STK10: variants seen among roughly 807,000 people sequenced by gnomAD.
STK10 encodes the protein serine/threonine kinase 10.
Under a neutral mutation model 113.8 loss-of-function variants are expected in STK10, and 78 were observed. The ratio of observed to expected loss-of-function variants is 0.69; its 90% CI spans 0.57 to 0.83. STK10 has a LOEUF of 0.83. Ranked by LOEUF, STK10 falls within the 40% of genes least tolerant of loss-of-function variation. The pLI, the probability that STK10 is intolerant of heterozygous loss-of-function variation, is 0.00. For missense variants in STK10, 1,109 were observed against 1,280.1 expected, an observed-to-expected ratio of 0.87 and a Z score of 2.04; for synonymous variants, 465 against 494.7, an observed-to-expected ratio of 0.94 and a Z score of 0.80.
At chr5:172,157,644 G>A (rs1416779876) in intron 1 of STK10, among the ~76,000 whole-genome samples, 3 of 152,114 alleles carry the variant, frequency 2.0e-5, no homozygotes, top group African/African-American at 4.8e-5. Flanking sequence ...AGGCTGAAGT[G>A]CAGTGGTGTG....
chr5:172,122,531 T>C (rs991059094), intron 3 of STK10, among the ~76,000 whole-genome samples: 1 of 152,226 alleles, frequency 6.6e-6, no homozygotes, highest in East Asian at 1.9e-4. Flanking sequence ...TTAAAAAAAC[T>C]ACAACATTGC....
At chr5:172,106,121 A>G (rs959130456) in intron 6 of STK10, among the ~76,000 whole-genome samples, 8 of 151,936 alleles carry the variant, frequency 5.3e-5, no homozygotes, top group African/African-American at 1.9e-4. Flanking sequence ...TCTCATGTCA[A>G]GTGCACAGAG....
rs1770122385 is a variant in STK10, at chr5:172,148,103, T to C, written c.321+8521A>G. Among the ~76,000 whole-genome samples, 3 of 152,130 alleles carry C rather than the reference T, an allele frequency of 2.0e-5. No homozygotes were observed. In the South Asian group the frequency reaches 6.2e-4, roughly 31 times the overall value. ...GAGCAGGTCTGGGACCCTCCTACAC[T>C]GCTACTGTCTGCCAGCTGGGTTTCC... On this transcript the variant is annotated intron_variant, in intron 2 of 18. Transcript: ENST00000176763.
intron 10 of STK10, among the ~76,000 whole-genome samples, chr5:172,089,070 A>G (rs1190121733): frequency 6.6e-6 from 1 of 152,064 alleles, no homozygotes; most frequent in Non-Finnish European, 1.5e-5. Context: ...ATCCTAGTCA[A>G]GATCTCCCTC....
intron 7 of STK10, among the ~76,000 whole-genome samples, chr5:172,103,671 G>A (rs79506905): frequency 0.1 from 15,216 of 152,090 alleles, 879 homozygotes; most frequent in Non-Finnish European, 0.12. Flanking sequence ...TTTCAAATAC[G>A]TTATAGAAAT....
chr5:172,160,616 GATA>G (rs921137910), intron 1 of STK10, among the ~76,000 whole-genome samples: 1 of 152,172 alleles, frequency 6.6e-6, no homozygotes, highest in African/African-American at 2.4e-5. Flanking sequence ...CCTTCCTAAG[GATA>G]ATATTGATCA....
At chr5:172,085,309 C>T (rs1312341760) in intron 10 of STK10, among the ~76,000 whole-genome samples, 1 of 151,922 alleles carries the variant, frequency 6.6e-6, no homozygotes, top group African/African-American at 2.4e-5. Flanking sequence ...TTTATGTTGT[C>T]AGTGTATGTG....
chr5:172,131,871 G>A (rs1249734049), intron 2 of STK10, among the ~76,000 whole-genome samples: 1 of 152,174 alleles, frequency 6.6e-6, no homozygotes, highest in Non-Finnish European at 1.5e-5. Context: ...CAACAGTAAT[G>A]GGAGGTGTTT....
chr5:172,063,896 C>A (rs1167682040), intron 13 of STK10, among the ~76,000 whole-genome samples: 1 of 152,140 alleles, frequency 6.6e-6, no homozygotes, highest in African/African-American at 2.4e-5. Context: ...GGAAGCAGAA[C>A]ACACAAAGAC....
chr5:172,161,185 C>T (rs61140857), intron 1 of STK10, among the ~76,000 whole-genome samples: 26,793 of 152,034 alleles, frequency 0.18, 2,442 homozygotes, highest in East Asian at 0.26. Flanking sequence ...GGTGTGGTGG[C>T]GCACGCCTGT....
At chr5:172,050,995 C>T (rs1423687058) in intron 18 of STK10, among the ~76,000 whole-genome samples, 2 of 151,806 alleles carry the variant, frequency 1.3e-5, no homozygotes, top group Admixed American at 1.3e-4. Context: ...GCCTGTAATC[C>T]CAGCTGCTCA....
chr5:172,108,611 C>T lies in STK10; in HGVS notation c.521-759G>A, dbSNP rs1220300755. Among the ~76,000 whole-genome samples, 39 of 121,038 alleles carry T rather than the reference C, an allele frequency of 3.2e-4. No homozygotes were observed. In the Middle Eastern group the frequency reaches 0.012, roughly 38 times the overall value. The allele number at this position is 121,038 out of a possible 152,430, so 79.4% of individuals were successfully genotyped here. A position where few individuals can be genotyped will look rare whatever the true frequency, so the allele number is the denominator to read the frequency against. On this transcript the variant is annotated intron_variant, in intron 4 of 18. Transcript: ENST00000176763. ...AGCCCAGGCAATAGAGTGAGACTGT[C>T]TCAAAAAAAAAAAAAAAAAAAAAAT...
chr5:172,118,282 T>C (rs1338235261), intron 3 of STK10, among the ~76,000 whole-genome samples: 1 of 152,156 alleles, frequency 6.6e-6, no homozygotes, highest in Admixed American at 6.5e-5. Context: ...TAAGCCCGAC[T>C]GAGACAGAGA....
intron 1 of STK10, among the ~76,000 whole-genome samples, chr5:172,157,949 C>T (rs891265740): frequency 6.6e-6 from 1 of 152,078 alleles, no homozygotes; most frequent in African/African-American, 2.4e-5. Flanking sequence ...CAACATTTCC[C>T]ACGCACTAAC....
intron 12 of STK10, among the ~76,000 whole-genome samples, chr5:172,072,192 AT>A (rs1201704532): frequency 6.6e-6 from 1 of 152,236 alleles, no homozygotes; most frequent in African/African-American, 2.4e-5. Flanking sequence ...AACCCATTTG[AT>A]AAAATTCAAC....
At chr5:172,050,479 C>A (rs146318195) in intron 18 of STK10, among the ~76,000 whole-genome samples, 1 of 152,218 alleles carries the variant, frequency 6.6e-6, no homozygotes, top group African/African-American at 2.4e-5. Flanking sequence ...ACTGCTTGAG[C>A]CCAGGTAGTC....
At chr5:172,176,662 A>G (rs886172275) in intron 1 of STK10, among the ~76,000 whole-genome samples, 1 of 151,996 alleles carries the variant, frequency 6.6e-6, no homozygotes, top group African/African-American at 2.4e-5. Context: ...GCCCTGGGGG[A>G]CTTAAGGCAG....
At chr5:172,177,184 G>A (rs68121094) in intron 1 of STK10, among the ~76,000 whole-genome samples, 51,613 of 139,062 alleles carry the variant, frequency 0.37, 9,563 homozygotes, top group African/African-American at 0.58. Context: ...AAAAAAAAAA[G>A]AAAAGACCCT....
At chr5:172,176,756 T>A (rs1173979684) in intron 1 of STK10, among the ~76,000 whole-genome samples, 1 of 152,218 alleles carries the variant, frequency 6.6e-6, no homozygotes, top group Non-Finnish European at 1.5e-5. Context: ...GTCCCTGCTA[T>A]GGTCCGAGTG....
Sources: gnomAD v4.1 joint callset for allele counts (sites outside exome capture counted in the v4.1 genomes callset) on GRCh38, gnomAD v4.1.1 for gene constraint, MANE v1.5 for transcripts, NCBI Gene and HGNC (gene_info 2026-07-23, HGNC 2026-07-21) for gene names.